Variants in CLEC3A observed in about 807,000 individuals in gnomAD.
CLEC3A encodes the protein C-type lectin domain family 3 member A, also known as C-type (calcium dependent, carbohydrate-recognition domain) lectin, superfamily member 1 (cartilage-derived).
Under a neutral mutation model 20.4 loss-of-function variants are expected in CLEC3A, and 28 were observed. The ratio of observed to expected loss-of-function variants is 1.37; its 90% confidence interval spans 1.02 to 1.88. CLEC3A has a LOEUF of 1.88. CLEC3A is among the 40% of genes most tolerant of loss of function. The pLI is 0.00. For missense variants in CLEC3A, 357 were observed against 240.4 expected, an observed-to-expected ratio of 1.48 and a Z score of -3.21; for synonymous variants, 110 against 88.1, an observed-to-expected ratio of 1.25 and a Z score of -1.39.
Position 78,030,936 on chromosome 16 carries a change from A to G in CLEC3A, c.*95A>G. On this transcript the variant is annotated 3_prime_UTR_variant, in exon 3 of 3. Coordinates refer to ENST00000299642, the MANE Select transcript of CLEC3A (RefSeq NM_005752.6). ...TAAAAATCATAATTTTTACTTATTA[A>G]AAAATTGCAACACAAGATCAATGTC... 1.5e-6 allele frequency: 2 copies of G among 1,365,760 alleles called. No homozygotes were observed. Among genetic ancestry groups the G allele is most frequent in the Non-Finnish European group, 2.0e-6 (2 of 1,014,412 alleles). The allele number at this position is 1,365,760 out of a possible 1,614,324, so 84.6% of individuals were successfully genotyped here.
At chr16:78,028,332 T>C (rs1277790738) in intron 2 of CLEC3A, 142 bp downstream of exon 2, 5 of 577,804 alleles carry the variant, frequency 8.7e-6, no homozygotes, top group African/African-American at 1.9e-5. Flanking sequence ...CGGGAGATGA[T>C]TGTTTTAGGA....
rs1266626564 is a variant in CLEC3A at position 78,031,037 on chromosome 16, A to C, written c.*196A>C. 1.7e-6 allele frequency: 1 copy of C among 571,524 alleles called. No individual in the cohort carries two copies. Among genetic ancestry groups the C allele is most frequent in the African/African-American group, 1.9e-5 (1 of 53,050 alleles). 35.4% of individuals were successfully genotyped at this position (571,524 alleles called of 1,614,324 possible). A position where few individuals can be genotyped will look rare whatever the true frequency, so the allele number is the denominator to read the frequency against. ...TTTTGCCCTTCCTGGGGTATAGGGGATCAGAAATATTGATCCATGTGCACG... is the reference window on the plus strand; with the variant it reads ...TTTTGCCCTTCCTGGGGTATAGGGGCTCAGAAATATTGATCCATGTGCACG... On this transcript the variant is annotated 3_prime_UTR_variant, in exon 3 of 3. Transcript: ENST00000299642.
At position 78,031,876 on chromosome 16, in the gene CLEC3A, TAACTTCA is replaced by T. The variant is rs1437839445; in HGVS notation, c.*1036_*1042del. The T allele has an allele frequency of 6.6e-6, 1 of 152,366 alleles. No individual in the cohort carries two copies. Among genetic ancestry groups the T allele is most frequent in the Non-Finnish European group, 1.5e-5 (1 of 68,028 alleles). The allele number at this position is 152,366 out of a possible 1,614,324, so 9.4% of individuals were successfully genotyped here. On this transcript the variant is annotated 3_prime_UTR_variant, in exon 3 of 3. Transcript: ENST00000299642. ...GCTTGTTTAACTAGATTGTACAAAATAACTTCATTGCTTAATATCAAATTACAAAGTT... is the reference window on the plus strand; with the variant it reads ...GCTTGTTTAACTAGATTGTACAAAATTTGCTTAATATCAAATTACAAAGTT...
Position 78,030,179 on chromosome 16 carries a change from G to T in CLEC3A, c.200-268G>T, listed in dbSNP as rs547855435. 2.7e-5 allele frequency among the ~76,000 whole-genome samples: 4 copies of T among 148,510 alleles called. No homozygotes were observed. The East Asian group carries it at 6.0e-4, about 22-fold the overall frequency. ...AAAAAAAAAAAAAAAAAATGCTAAG[G>T]TGTTACAAGTAACAACTTCTCTAAG... On this transcript the variant is annotated intron_variant, in intron 2 of 2. Coordinates refer to ENST00000299642, the MANE Select transcript of CLEC3A (RefSeq NM_005752.6).
intron 1 of CLEC3A, among the ~76,000 whole-genome samples, chr16:78,025,221 T>C: frequency 6.6e-6 from 1 of 152,342 alleles, no homozygotes; most frequent in African/African-American, 2.4e-5. Context: ...TATTAAACCT[T>C]GGATAGTTAC....
At chr16:78,030,389 C>T in intron 2 of CLEC3A, 58 bp from the exon 3 acceptor site, 4 of 1,462,222 alleles carry the variant, frequency 2.7e-6, no homozygotes, top group Non-Finnish European at 3.7e-6. Flanking sequence ...CCAGGTCCAG[C>T]CCTAGTCATA....
Position 78,031,447 on chromosome 16 carries a change from T to C in CLEC3A, c.*606T>C, listed in dbSNP as rs1362969183. 2 of 152,072 alleles carry C rather than the reference T, an allele frequency of 1.3e-5. No homozygotes were observed. The highest frequency in any genetic ancestry group is 2.9e-5 in the Non-Finnish European group (2 of 68,018). 9.4% of individuals were successfully genotyped at this position (152,072 alleles called of 1,614,324 possible). ...GTTCTGATTTGATTTTTTTTTTTTC[T>C]TCATGCCTACCCTTTTTTTGGAAGT... On this transcript the variant is annotated 3_prime_UTR_variant, in exon 3 of 3. Coordinates refer to ENST00000299642, the MANE Select transcript of CLEC3A (RefSeq NM_005752.6).
chr16:78,026,150 G>A (rs1348811935), intron 1 of CLEC3A, among the ~76,000 whole-genome samples: 2 of 152,212 alleles, frequency 1.3e-5, no homozygotes, highest in African/African-American at 4.8e-5. Flanking sequence ...GCCATGGGAT[G>A]CTTTGAGAAC....
chr16:78,022,654 A>C lies in CLEC3A; in HGVS notation c.28A>C (p.Ile10Leu), dbSNP rs773047485. The C allele has an allele frequency of 2.5e-6, 4 of 1,614,050 alleles. No individual in the cohort carries two copies. The highest frequency in any genetic ancestry group is 8.5e-7 in the Non-Finnish European group (1 of 1,180,032). ...GGCAAAGAATGGACTTGTAATTTGC[A>C]TCCTGGTGATCACCTTACTCCTGGA... MAKNGLVIC[I>L]LVITLLLDQT... Residue 10 changes from isoleucine to leucine, a missense_variant, in exon 1 of 3, where the codon ATC becomes CTC. Physicochemically the swap from Ile to Leu is conservative, Grantham distance 5. Transcript: ENST00000299642.
At chr16:78,023,665 G>A (rs1196585692) in intron 1 of CLEC3A, among the ~76,000 whole-genome samples, 1 of 151,980 alleles carries the variant, frequency 6.6e-6, no homozygotes. Context: ...CAGATGGCTG[G>A]TGGGTAAAAA....
intron 1 of CLEC3A, among the ~76,000 whole-genome samples, chr16:78,024,804 C>A (rs184512458): frequency 3.3e-5 from 5 of 152,242 alleles, no homozygotes; most frequent in Admixed American, 6.5e-5. Flanking sequence ...ATACTATTCC[C>A]AGAAGTTTTG....
rs755834833 is a variant in CLEC3A at position 78,030,689 on chromosome 16, G to T, written c.442G>T (p.Ala148Ser). ...CAAGTTTGTTGACGTCAACGGAATCGCTATCTCCTTCCTCAACTGGGACCG... is the reference window on the plus strand; with the variant it reads ...CAAGTTTGTTGACGTCAACGGAATCTCTATCTCCTTCCTCAACTGGGACCG... ...EGKFVDVNGI[A>S]ISFLNWDRAQ... Residue 148 changes from alanine (A) to serine (S), a missense_variant, in exon 3 of 3, where the codon GCT becomes TCT. By Grantham distance (99) the Ala-to-Ser change is moderately conservative (BLOSUM62 1). Transcript: ENST00000299642. 6.2e-7 allele frequency: 1 copy of T among 1,613,950 alleles called. No individual in the cohort carries two copies. The highest frequency in any genetic ancestry group is 8.5e-7 in the Non-Finnish European group (1 of 1,180,042).
chr16:78,030,977 G>C lies in CLEC3A; in HGVS notation c.*136G>C, dbSNP rs1298252400. ...GATCAATGTCCATAGCAATATGATA[G>C]CATCAGCCAATTTTGCTAACACATT... On this transcript the variant is annotated 3_prime_UTR_variant, in exon 3 of 3. Transcript: ENST00000299642. The C allele has an allele frequency of 2.1e-5, 20 of 970,526 alleles. No homozygotes were observed. The East Asian group carries it at 5.1e-4, about 25-fold the overall frequency. 60.1% of individuals were successfully genotyped at this position (970,526 alleles called of 1,614,324 possible).
rs928999172 is a variant in CLEC3A, at chr16:78,030,667, G to C, written c.420G>C (p.Lys140Asn). The C allele has an allele frequency of 6.2e-7, 1 of 1,614,144 alleles. No homozygotes were observed. The highest frequency in any genetic ancestry group is 8.5e-7 in the Non-Finnish European group (1 of 1,180,022). The change falls in exon 3 of 3, where the codon AAG becomes AAC. Residue 140 changes from lysine (K) to asparagine (N), a missense_variant. Physicochemically the swap from Lys to Asn is moderately conservative, Grantham distance 94. Transcript: ENST00000299642. ...TCAATGACATGGTCACGGAAGGCAA[G>C]TTTGTTGACGTCAACGGAATCGCTA... ...LGINDMVTEG[K>N]FVDVNGIAIS... is the part of the protein sequence containing the mutation.
chr16:78,027,610 C>A (rs1196787515), intron 1 of CLEC3A, among the ~76,000 whole-genome samples: 2 of 152,042 alleles, frequency 1.3e-5, no homozygotes, highest in Non-Finnish European at 2.9e-5. Context: ...AAGTTATTTT[C>A]TTTTTCTTTT....
intron 1 of CLEC3A, among the ~76,000 whole-genome samples, chr16:78,027,629 C>T (rs543432406): frequency 1.3e-4 from 20 of 151,452 alleles, no homozygotes; most frequent in Admixed American, 7.9e-4. Flanking sequence ...TTTTTCCTTC[C>T]TTCTTTCCTT....
intron 1 of CLEC3A, among the ~76,000 whole-genome samples, chr16:78,023,755 T>G (rs1292773785): frequency 1.3e-5 from 2 of 151,520 alleles, no homozygotes; most frequent in African/African-American, 2.4e-5. Context: ...GGTGCAAGGT[T>G]TCTTTTTTTT....
chr16:78,024,639 G>A (rs970300743), intron 1 of CLEC3A, among the ~76,000 whole-genome samples: 4 of 152,172 alleles, frequency 2.6e-5, no homozygotes, highest in East Asian at 1.9e-4. Flanking sequence ...AACCTAAACC[G>A]ATCAAGCAAT....
intron 2 of CLEC3A, among the ~76,000 whole-genome samples, chr16:78,029,412 G>C (rs753140356): frequency 6.6e-6 from 1 of 152,034 alleles, no homozygotes; most frequent in African/African-American, 2.4e-5. Context: ...ACTGTTGCCC[G>C]GGCTGGAGTA....
Sources: gnomAD v4.1 joint callset for allele counts (sites outside exome capture counted in the v4.1 genomes callset) on GRCh38, gnomAD v4.1.1 for gene constraint, MANE v1.5 for transcripts, NCBI Gene and HGNC (gene_info 2026-07-23, HGNC 2026-07-21) for gene names.